DNTTIP2: variants seen among roughly 807,000 people sequenced by gnomAD.
DNTTIP2 encodes deoxynucleotidyltransferase terminal-interacting protein 2.
A neutral mutation model predicts 62.4 loss-of-function variants in DNTTIP2; 47 were observed. The ratio of observed to expected loss-of-function variants is 0.75; its 90% confidence interval spans 0.60 to 0.96. The LOEUF (loss-of-function observed/expected upper bound fraction) is 0.96. Ranked by LOEUF, DNTTIP2 falls within the 40% of genes least tolerant of loss-of-function variation. The pLI is 0.00. For synonymous variants in DNTTIP2, 322 were observed against 300.9 expected, an observed-to-expected ratio of 1.07 and a Z score of -0.73; for missense variants, 870 against 849.1, an observed-to-expected ratio of 1.02 and a Z score of -0.31.
intron 5 of DNTTIP2, among the ~76,000 whole-genome samples, chr1:93,871,185 G>A (rs1008867342): frequency 7.9e-5 from 12 of 152,144 alleles, no homozygotes; most frequent in African/African-American, 2.9e-4. Context: ...CCTACTTAGT[G>A]ATCATTCTGT....
In DNTTIP2 at chr1:93,876,687, C is replaced by G. The variant is rs780863956; in HGVS notation, c.1248G>C (p.Gly416=). 3 of 1,613,912 alleles carry G rather than the reference C, an allele frequency of 1.9e-6. No homozygotes were observed. In the African/African-American group the frequency reaches 4.0e-5, roughly 22 times the overall value. The part of the protein sequence containing the change: ...ISVSEDMNSE[G]NVDFECDTKL... ...TGGTATCACATTCAAAATCTACATT[C>G]CCTTCACTGTTCATGTCTTCACTGA... Residue 416 remains glycine, a synonymous_variant, in exon 2 of 7, where the codon GGG becomes GGC. Coordinates refer to ENST00000436063, the MANE Select transcript of DNTTIP2 (RefSeq NM_014597.5).
rs1655784389 is a variant in DNTTIP2 at position 93,868,867 on chromosome 1, G to A, written c.*984C>T. ...GGGCCTGTTGTGGGTGGGGGACTAG[G>A]GGAGGGATAGCACTAGGAGAAATAC... is the stretch of plus-strand genomic sequence containing the variant. On this transcript the variant is annotated 3_prime_UTR_variant, in exon 7 of 7. Transcript: ENST00000436063. 1 of 152,138 alleles carries A rather than the reference G, an allele frequency of 6.6e-6. No homozygotes were observed. Among genetic ancestry groups the A allele is most frequent in the Non-Finnish European group, 1.5e-5 (1 of 68,056 alleles). The allele number at this position is 152,138 out of a possible 1,614,324, so 9.4% of individuals were successfully genotyped here.
intron 6 of DNTTIP2, 32 bp downstream of exon 6, chr1:93,870,651 A>T: frequency 8.0e-7 from 1 of 1,248,946 alleles, no homozygotes; most frequent in Non-Finnish European, 1.1e-6. Context: ...AGCAAAGTAT[A>T]CATATTATAA....
At position 93,875,788 on chromosome 1, in the gene DNTTIP2, A is replaced by G. The variant is rs1365035247; in HGVS notation, c.1668-5T>C. On this transcript the variant is annotated splice_polypyrimidine_tract_variant and splice_region_variant and intron_variant, in intron 2 of 6. Coordinates refer to ENST00000436063, the MANE Select transcript of DNTTIP2 (RefSeq NM_014597.5). ...CTGCTGCTTGTCAACTTCAGACTGAAAAAGAAATCATCACTTAAAGATCAA... is the reference window on the plus strand; with the variant it reads ...CTGCTGCTTGTCAACTTCAGACTGAGAAAGAAATCATCACTTAAAGATCAA... 1 of 1,604,328 alleles carries G rather than the reference A, an allele frequency of 6.2e-7. No homozygotes were observed. The highest frequency in any genetic ancestry group is 8.5e-7 in the Non-Finnish European group (1 of 1,177,256).
chr1:93,877,997 A>C, intron 1 of DNTTIP2, 135 bp from the exon 2 acceptor site: 1 of 1,325,928 alleles, frequency 7.5e-7, no homozygotes, highest in Non-Finnish European at 1.0e-6. Context: ...AACCTGCCCA[A>C]CTCATGATTT....
chr1:93,870,840 T>C (rs890493264), intron 5 of DNTTIP2, 48 bp from the exon 6 acceptor site: 19 of 979,296 alleles, frequency 1.9e-5, no homozygotes, highest in Non-Finnish European at 2.7e-5. Flanking sequence ...GCCAAGATGC[T>C]TTCATACTTC....
Position 93,877,516 on chromosome 1 carries a change from A to G in DNTTIP2, c.419T>C (p.Val140Ala). ...PTKESYTEEI[V>A]SEAESHVSGI... ...TGAAACATGAGATTCTGCTTCAGAC[A>G]CTATTTCTTCAGTGTAAGACTCCTT... The change falls in exon 2 of 7, where the codon GTG (valine) becomes GCG (alanine). Residue 140 changes from valine to alanine, a missense_variant. Transcript: ENST00000436063. 1 of 1,613,992 alleles carries G rather than the reference A, an allele frequency of 6.2e-7. No individual in the cohort carries two copies. Among genetic ancestry groups the G allele is most frequent in the Non-Finnish European group, 8.5e-7 (1 of 1,179,890 alleles).
rs761595985 is a variant in DNTTIP2 at position 93,868,619 on chromosome 1, T to C, written c.*1232A>G. 2.0e-5 allele frequency: 3 copies of C among 152,146 alleles called. No homozygotes were observed. Among genetic ancestry groups the C allele is most frequent in the African/African-American group, 7.2e-5 (3 of 41,418 alleles). 9.4% of individuals were successfully genotyped at this position (152,146 alleles called of 1,614,324 possible). A position where few individuals can be genotyped will look rare whatever the true frequency, so the allele number is the denominator to read the frequency against. ...ACCCAAATGCCCATGAATGATAGAC[T>C]GGATAAAGAAAATGTGGCACATATA... On this transcript the variant is annotated 3_prime_UTR_variant, in exon 7 of 7. Transcript: ENST00000436063.
chr1:93,877,528 G>A lies in DNTTIP2; in HGVS notation c.407C>T (p.Thr136Ile). 8 of 1,614,012 alleles carry A rather than the reference G, an allele frequency of 5.0e-6. No homozygotes were observed. The highest frequency in any genetic ancestry group is 6.8e-6 in the Non-Finnish European group (8 of 1,179,890). The change falls in exon 2 of 7, where the codon ACT becomes ATT. Residue 136 changes from threonine (T) to isoleucine (I), a missense_variant. Coordinates refer to ENST00000436063, the MANE Select transcript of DNTTIP2 (RefSeq NM_014597.5). The stretch of plus-strand genomic sequence containing the variant: ...TTCTGCTTCAGACACTATTTCTTCA[G>A]TGTAAGACTCCTTTGTTGGAGTTAC... ...PKVTPTKESY[T>I]EEIVSEAESH...
Position 93,875,905 on chromosome 1 carries a change from A to C in DNTTIP2, c.1668-122T>G, listed in dbSNP as rs138007812. The C allele has an allele frequency of 2.1e-3, 2,073 of 985,042 alleles. 35 individuals are homozygous for C. The African/African-American group carries it at 0.032, about 15-fold the overall frequency. 61.0% of individuals were successfully genotyped at this position (985,042 alleles called of 1,614,324 possible). A position where few individuals can be genotyped will look rare whatever the true frequency, so the allele number is the denominator to read the frequency against. ...TGTATTGTCCACAATAAAGAAAAAA[A>C]AGCATCTTATTTTTATGAGGAATTC... On this transcript the variant is annotated intron_variant, in intron 2 of 6. Transcript: ENST00000436063.
rs1655885155 is a variant in DNTTIP2 at position 93,872,289 on chromosome 1, T to C, written c.1903-53A>G. On this transcript the variant is annotated intron_variant, in intron 4 of 6. Coordinates refer to ENST00000436063, the MANE Select transcript of DNTTIP2 (RefSeq NM_014597.5). ...TTCTAACAGCTAAGAGTATACATTATAATTCATTTCCCCTGAAGTAACACA... is the reference window on the plus strand; with the variant it reads ...TTCTAACAGCTAAGAGTATACATTACAATTCATTTCCCCTGAAGTAACACA... The C allele has an allele frequency of 3.9e-6, 6 of 1,551,862 alleles. 1 individual carries two copies. Among genetic ancestry groups the C allele is most frequent in the East Asian group, 2.3e-5 (1 of 44,360 alleles).
At chr1:93,876,199 AT>A in intron 2 of DNTTIP2, 68 bp downstream of exon 2, 3 of 1,222,410 alleles carry the variant, frequency 2.5e-6, no homozygotes, top group Non-Finnish European at 3.1e-6. Flanking sequence ...AACATTTCAT[AT>A]TTTTATGGTA....
intron 3 of DNTTIP2, among the ~76,000 whole-genome samples, chr1:93,874,492 C>T (rs1006341633): frequency 1.2e-4 from 18 of 152,238 alleles, no homozygotes; most frequent in African/African-American, 4.1e-4. Context: ...AAATATTCCC[C>T]AAGGGCAACG....
Position 93,877,448 on chromosome 1 carries a change from C to A in DNTTIP2, c.487G>T (p.Ala163Ser). ...IVLPTEKTTGARRSKAKSLTD... is the reference protein window; with the variant it reads ...IVLPTEKTTGSRRSKAKSLTD... ...AGAGATTTAGCCTTACTTCTTCTGG[C>A]TCCTGTAGTTTTTTCTGTAGGAAGC... The change falls in exon 2 of 7, where the codon GCC (alanine) becomes TCC (serine). Residue 163 changes from alanine (A) to serine (S), a missense_variant. By Grantham distance (99) the Ala-to-Ser change is moderately conservative. Coordinates refer to ENST00000436063, the MANE Select transcript of DNTTIP2 (RefSeq NM_014597.5). 1 of 1,613,894 alleles carries A rather than the reference C, an allele frequency of 6.2e-7. No homozygotes were observed. The highest frequency in any genetic ancestry group is 8.5e-7 in the Non-Finnish European group (1 of 1,179,888).
Position 93,872,237 on chromosome 1 carries a change from C to G in DNTTIP2, c.1903-1G>C. On this transcript the variant is annotated splice_acceptor_variant, in intron 4 of 6. Transcript: ENST00000436063. LOFTEE classifies it high-confidence loss of function. ...CCCCTGCTGTTTTTTGTCGTTCTTT[C>G]TGAAATTATGATTTCAAAAATAAAC... 1 of 1,612,588 alleles carries G rather than the reference C, an allele frequency of 6.2e-7. No individual in the cohort carries two copies. Among genetic ancestry groups the G allele is most frequent in the Non-Finnish European group, 8.5e-7 (1 of 1,179,448 alleles).
At chr1:93,872,968 C>G in intron 4 of DNTTIP2, 151 bp downstream of exon 4, 1 of 511,322 alleles carries the variant, frequency 2.0e-6, no homozygotes, top group Non-Finnish European at 3.4e-6. Context: ...GTTTATGGTA[C>G]TATATTTTAC....
chr1:93,876,545 A>G lies in DNTTIP2; in HGVS notation c.1390T>C (p.Cys464Arg). Residue 464 changes from cysteine (C) to arginine (R), a missense_variant, in exon 2 of 7, where the codon TGT becomes CGT. Coordinates refer to ENST00000436063, the MANE Select transcript of DNTTIP2 (RefSeq NM_014597.5). Reference sequence around the variant, plus strand: ...CTTTGGCCACTATTTTCAACAAAACATAAAGTATCCTCTTCATTCTCACTG... The same window carrying G: ...CTTTGGCCACTATTTTCAACAAAACGTAAAGTATCCTCTTCATTCTCACTG... Reference protein sequence around the residue: ...ENSENEEDTLCFVENSGQRES... With the variant: ...ENSENEEDTLRFVENSGQRES... 1 of 1,613,970 alleles carries G rather than the reference A, an allele frequency of 6.2e-7. No individual in the cohort carries two copies. Among genetic ancestry groups the G allele is most frequent in the Non-Finnish European group, 8.5e-7 (1 of 1,179,832 alleles).
intron 3 of DNTTIP2, 143 bp from the exon 4 acceptor site, chr1:93,873,357 C>A: frequency 1.7e-6 from 1 of 577,390 alleles, no homozygotes; most frequent in Non-Finnish European, 3.0e-6. Flanking sequence ...TTGAGGAGGC[C>A]AAGGGAGGAG....
chr1:93,876,662 T>C lies in DNTTIP2; in HGVS notation c.1273A>G (p.Lys425Glu). Residue 425 changes from lysine (K) to glutamate (E), a missense_variant, in exon 2 of 7, where the codon AAA becomes GAA. By Grantham distance (56) the Lys-to-Glu change is moderately conservative. Transcript: ENST00000436063. The part of the protein sequence containing the change: ...EGNVDFECDT[K>E]LYTSAPNTSQ... Reference sequence around the variant, plus strand: ...GTGTTGGGCGCAGACGTGTATAGTTTGGTATCACATTCAAAATCTACATTC... The same window carrying C: ...GTGTTGGGCGCAGACGTGTATAGTTCGGTATCACATTCAAAATCTACATTC... 6.2e-7 allele frequency: 1 copy of C among 1,614,062 alleles called. No individual in the cohort carries two copies. Among genetic ancestry groups the C allele is most frequent in the Non-Finnish European group, 8.5e-7 (1 of 1,179,900 alleles).
Sources: allele counts gnomAD v4.1 joint callset (sites outside exome capture counted in the v4.1 genomes callset), GRCh38; gene constraint gnomAD v4.1.1; transcripts MANE v1.5; gene names NCBI Gene and HGNC (gene_info 2026-07-23, HGNC 2026-07-21).